The following SLC18A1 variants were observed in gnomAD, a reference collection of about 807,000 sequenced individuals.
SLC18A1 encodes chromaffin granule amine transporter.
A neutral mutation model predicts 53.7 loss-of-function variants in SLC18A1; 69 were observed. The ratio of observed to expected loss-of-function variants is 1.28; its 90% CI spans 1.06 to 1.57. The LOEUF is 1.57. Ranked by LOEUF, SLC18A1 falls within the 40% of genes most tolerant of loss-of-function variation. SLC18A1 has a pLI of 0.00. For synonymous variants in SLC18A1, 320 were observed against 248.1 expected, an observed-to-expected ratio of 1.29 and a Z score of -2.72; for missense variants, 932 against 668.1, an observed-to-expected ratio of 1.40 and a Z score of -4.35.
rs757932995 is a variant in SLC18A1, at chr8:20,179,512, G to C, written c.125-28C>G. On this transcript the variant is annotated intron_variant, in intron 2 of 15. Coordinates refer to ENST00000276373, the MANE Select transcript of SLC18A1 (RefSeq NM_003053.4). ...GAAAGTCAAAGAGGACAGGTGATGG[G>C]GGCTAAGGACCGATGTCATCTTACC... 3.8e-6 allele frequency: 6 copies of C among 1,584,862 alleles called. No individual in the cohort carries two copies. In the African/African-American group the frequency reaches 8.1e-5, roughly 21 times the overall value.
At chr8:20,160,789 G>A (rs890408858) in intron 10 of SLC18A1, among the ~76,000 whole-genome samples, 2 of 152,146 alleles carry the variant, frequency 1.3e-5, no homozygotes, top group African/African-American at 2.4e-5. Flanking sequence ...AATCGCAAGT[G>A]CATGGCACCA....
rs1437929989 is a variant in SLC18A1 at position 20,158,113 on chromosome 8, A to G, written c.1015+6756T>C. Among the ~76,000 whole-genome samples, 8 of 152,290 alleles carry G rather than the reference A, an allele frequency of 5.3e-5. No individual in the cohort carries two copies. The East Asian group carries it at 7.8e-4, about 15-fold the overall frequency. ...CCCAGGGCAAGTGCCAGCCCATGTCATCACCCTCACAGAGCCCTGGGTATG... is the reference window on the plus strand; with the variant it reads ...CCCAGGGCAAGTGCCAGCCCATGTCGTCACCCTCACAGAGCCCTGGGTATG... On this transcript the variant is annotated intron_variant, in intron 10 of 15. Coordinates refer to ENST00000276373, the MANE Select transcript of SLC18A1 (RefSeq NM_003053.4).
intron 2 of SLC18A1, among the ~76,000 whole-genome samples, chr8:20,179,774 T>C (rs1376282891): frequency 1.3e-5 from 2 of 152,226 alleles, no homozygotes; most frequent in Non-Finnish European, 2.9e-5. Context: ...CTTATACAGT[T>C]AGTCCTCATT....
chr8:20,179,531 T>C, intron 2 of SLC18A1, 47 bp from the exon 3 acceptor site: 4 of 1,559,488 alleles, frequency 2.6e-6, no homozygotes, highest in Non-Finnish European at 3.5e-6. Context: ...ACCGATGTCA[T>C]CTTACCACTG....
At chr8:20,172,975 G>C (rs1471827333) in intron 6 of SLC18A1, 61 bp downstream of exon 6, 13 of 1,235,620 alleles carry the variant, frequency 1.1e-5, no homozygotes, top group South Asian at 2.6e-5. Flanking sequence ...TACACCTCGG[G>C]AACACCTGCT....
chr8:20,169,873 C>G (rs573827698), intron 8 of SLC18A1, among the ~76,000 whole-genome samples: 1 of 152,038 alleles, frequency 6.6e-6, no homozygotes, highest in Non-Finnish European at 1.5e-5. Context: ...AGCAAGACTC[C>G]GTCTCAAAAA....
At chr8:20,145,905 C>T (rs752029098) in intron 15 of SLC18A1, 29 bp from the exon 16 acceptor site, 1 of 1,346,982 alleles carries the variant, frequency 7.4e-7, no homozygotes, top group Admixed American at 2.1e-5. Context: ...AGAGAAGCCA[C>T]TGCACATTAT....
intron 10 of SLC18A1, among the ~76,000 whole-genome samples, chr8:20,153,265 G>A (rs1251033943): frequency 6.6e-6 from 1 of 152,208 alleles, no homozygotes; most frequent in East Asian, 1.9e-4. Context: ...ACAAGGAGTA[G>A]GCAACAAGAT....
intron 8 of SLC18A1, among the ~76,000 whole-genome samples, chr8:20,170,840 G>A (rs950875608): frequency 8.4e-6 from 1 of 118,366 alleles, no homozygotes; most frequent in Non-Finnish European, 2.1e-5. Context: ...CGAATATATA[G>A]ATAGATAGAT....
intron 10 of SLC18A1, among the ~76,000 whole-genome samples, chr8:20,164,630 C>G (rs908153671): frequency 6.6e-6 from 1 of 152,136 alleles, no homozygotes; most frequent in Admixed American, 6.5e-5. Flanking sequence ...CATTAATCAT[C>G]CTACTACACA....
At chr8:20,153,895 A>T (rs949788943) in intron 10 of SLC18A1, among the ~76,000 whole-genome samples, 1 of 152,206 alleles carries the variant, frequency 6.6e-6, no homozygotes, top group African/African-American at 2.4e-5. Flanking sequence ...TCCTCTTGAA[A>T]TTTCACGTTA....
At chr8:20,178,142 A>ACACG (rs2072298247) in intron 4 of SLC18A1, among the ~76,000 whole-genome samples, 1 of 151,808 alleles carries the variant, frequency 6.6e-6, no homozygotes, top group African/African-American at 2.4e-5. Flanking sequence ...ACACACACAC[A>ACACG]CACACACACC....
rs2071916534 is a variant in SLC18A1, at chr8:20,164,905, T to C, written c.979A>G (p.Met327Val). Residue 327 changes from methionine to valine, a missense_variant, in exon 10 of 16, where the codon ATG becomes GTG. Physicochemically the swap from Met to Val is conservative, Grantham distance 21. Transcript: ENST00000276373. ...AILEPTLPIWMMQTMCSPKWQ... is the reference protein window; with the variant it reads ...AILEPTLPIWVMQTMCSPKWQ... ...TTGGGGGAGCACATGGTCTGCATCA[T>C]CCAGATGGGCAGTGTGGGCTCCAGG... is the stretch of plus-strand genomic sequence containing the variant. The C allele has an allele frequency of 6.2e-7, 1 of 1,613,752 alleles. No individual in the cohort carries two copies. Among genetic ancestry groups the C allele is most frequent in the South Asian group, 1.1e-5 (1 of 91,062 alleles).
rs200123466 is a variant in SLC18A1 at position 20,159,634 on chromosome 8, C to CAAAAAAAAAAAAAAAA, written c.1015+5219_1015+5234dup. 4.1e-3 allele frequency among the ~76,000 whole-genome samples: 331 copies of CAAAAAAAAAAAAAAAA among 81,474 alleles called. 4 individuals are homozygous for CAAAAAAAAAAAAAAAA. The highest frequency in any genetic ancestry group is 6.0e-3 in the Non-Finnish European group (215 of 35,580). 53.5% of individuals were successfully genotyped at this position (81,474 alleles called of 152,430 possible). On this transcript the variant is annotated intron_variant, in intron 10 of 15. Transcript: ENST00000276373. Reference sequence around the variant, plus strand: ...TCACTCTATTAAATCTTGCAGCTGCCAAAAAAAAAAAAAAAAAAAAAAAAA... The same window carrying CAAAAAAAAAAAAAAAA: ...TCACTCTATTAAATCTTGCAGCTGCCAAAAAAAAAAAAAAAAAAAAAAAAAAAAAAAAAAAAAAAAA...
chr8:20,178,408 G>C, intron 4 of SLC18A1, 27 bp downstream of exon 4: 1 of 1,585,910 alleles, frequency 6.3e-7, no homozygotes, highest in Non-Finnish European at 8.6e-7. Flanking sequence ...TCAGTGAAGG[G>C]AAGAAAAGAG....
intron 1 of SLC18A1, among the ~76,000 whole-genome samples, chr8:20,182,671 A>C (rs895518629): frequency 2.0e-5 from 3 of 152,262 alleles, no homozygotes; most frequent in Non-Finnish European, 4.4e-5. Context: ...TTCTAAGCCC[A>C]GGGCTGGAAG....
Position 20,173,083 on chromosome 8 carries a change from CCT to C in SLC18A1, c.675_676del (p.Gly226ThrfsTer60), listed in dbSNP as rs771802532. On this transcript the variant is annotated frameshift_variant, in exon 6 of 16. Transcript: ENST00000276373. LOFTEE classifies it high-confidence loss of function. ...CCCCAGAGCAGTTCCCATGGCTCGT[CCT>C]CTCTCATGGTCATCAGTGTAGACAC... The C allele has an allele frequency of 3.8e-6, 6 of 1,584,274 alleles. No homozygotes were observed. In the East Asian group the frequency reaches 1.2e-4, roughly 31 times the overall value.
intron 12 of SLC18A1, among the ~76,000 whole-genome samples, chr8:20,149,343 A>C (rs1337377706): frequency 6.6e-6 from 1 of 152,026 alleles, no homozygotes; most frequent in East Asian, 1.9e-4. Flanking sequence ...ATGGATACCA[A>C]CATGTATCAC....
At position 20,156,853 on chromosome 8, in the gene SLC18A1, G is replaced by A. The variant is rs565280230; in HGVS notation, c.1016-6109C>T. On this transcript the variant is annotated intron_variant, in intron 10 of 15. Transcript: ENST00000276373. ...GGGTTACCTACACCCTCTCTGAAAT[G>A]AATTTGCATAAGAATTGTTGTTTAT... 2.0e-5 allele frequency among the ~76,000 whole-genome samples: 3 copies of A among 152,330 alleles called. No homozygotes were observed. The East Asian group carries it at 5.8e-4, about 29-fold the overall frequency.
Sources: gnomAD v4.1 joint callset for allele counts (sites outside exome capture counted in the v4.1 genomes callset) on GRCh38, gnomAD v4.1.1 for gene constraint, MANE v1.5 for transcripts, NCBI Gene and HGNC (gene_info 2026-07-23, HGNC 2026-07-21) for gene names.